Variants in LRRTM4 observed in about 807,000 individuals in gnomAD.
LRRTM4 encodes the protein leucine-rich repeat transmembrane neuronal protein 4.
In LRRTM4, 25 loss-of-function variants were observed where a neutral mutation model predicts 47.6. That is an observed-to-expected ratio of 0.53 (90% confidence interval 0.38 to 0.73). The LOEUF (loss-of-function observed/expected upper bound fraction) is 0.73, where lower values mean the gene tolerates loss of function less well. Ranked by LOEUF, LRRTM4 falls within the 30% of genes least tolerant of loss-of-function variation. The probability of loss-of-function intolerance (pLI) is 0.00; values close to 1 mark genes in which losing one functional copy is unlikely to be tolerated. For synonymous variants in LRRTM4, 311 were observed against 269.5 expected (o/e 1.15, Z -1.51); for missense variants, 638 against 713.4 (o/e 0.89, Z 1.20).
intron 3 of LRRTM4, among the ~76,000 whole-genome samples, chr2:77,264,493 G>A (rs1412886943): frequency 6.6e-6 from 1 of 152,038 alleles, no homozygotes; most frequent in Non-Finnish European, 1.5e-5. Context: ...CTGGGGGTTA[G>A]GGCTTCAACT....
chr2:76,970,752 T>C (rs778141134), intron 3 of LRRTM4, among the ~76,000 whole-genome samples: 42 of 152,034 alleles, frequency 2.8e-4, no homozygotes, highest in Non-Finnish European at 4.3e-4. Context: ...TTTCTACAAA[T>C]GAAAATGCTG....
At chr2:77,408,652 C>A (rs1164554723) in intron 3 of LRRTM4, among the ~76,000 whole-genome samples, 1 of 152,092 alleles carries the variant, frequency 6.6e-6, no homozygotes, top group African/African-American at 2.4e-5. Context: ...GCCTCTGAAT[C>A]CCCCCAGGAA....
chr2:77,264,021 A>T (rs897099031), intron 3 of LRRTM4, among the ~76,000 whole-genome samples: 34 of 151,482 alleles, frequency 2.2e-4, no homozygotes, highest in Admixed American at 7.9e-4. Flanking sequence ...TTTTTTTTTT[A>T]ATAGAATTTT....
chr2:77,503,479 G>C (rs1448342925), intron 3 of LRRTM4, among the ~76,000 whole-genome samples: 1 of 151,662 alleles, frequency 6.6e-6, no homozygotes, highest in Non-Finnish European at 1.5e-5. Context: ...TCAGATATCT[G>C]AATTCAGGTG....
chr2:76,837,629 A>T (rs1231034060), intron 3 of LRRTM4, among the ~76,000 whole-genome samples: 1 of 152,166 alleles, frequency 6.6e-6, no homozygotes, highest in Non-Finnish European at 1.5e-5. Context: ...ATAAAGACAC[A>T]TGCACACGCA....
chr2:77,186,018 C>G, intron 3 of LRRTM4, among the ~76,000 whole-genome samples: 1 of 152,146 alleles, frequency 6.6e-6, no homozygotes, highest in East Asian at 1.9e-4. Context: ...AGACCTGACA[C>G]AGAAAATCAG....
chr2:77,385,581 T>C (rs1673228922), intron 3 of LRRTM4, among the ~76,000 whole-genome samples: 1 of 152,144 alleles, frequency 6.6e-6, no homozygotes, highest in Non-Finnish European at 1.5e-5. Context: ...GTATAATTTC[T>C]GATATCCTTA....
intron 3 of LRRTM4, among the ~76,000 whole-genome samples, chr2:77,095,707 T>C (rs1004727501): frequency 4.9e-4 from 75 of 152,022 alleles, no homozygotes; most frequent in African/African-American, 1.8e-3. Flanking sequence ...ACAGGGTTTT[T>C]CCATTTTGGC....
intron 3 of LRRTM4, among the ~76,000 whole-genome samples, chr2:77,375,850 C>A (rs1672820343): frequency 6.6e-6 from 1 of 151,770 alleles, no homozygotes; most frequent in South Asian, 2.1e-4. Flanking sequence ...GACATTTAAG[C>A]TGTTTCTGCA....
intron 3 of LRRTM4, among the ~76,000 whole-genome samples, chr2:76,860,579 T>C (rs1204705245): frequency 6.6e-6 from 1 of 152,098 alleles, no homozygotes; most frequent in Non-Finnish European, 1.5e-5. Context: ...TGTGCGTGTG[T>C]GTGTATTGCT....
intron 3 of LRRTM4, among the ~76,000 whole-genome samples, chr2:76,917,719 A>G (rs145783143): frequency 1.5e-4 from 23 of 152,298 alleles, no homozygotes; most frequent in African/African-American, 4.3e-4. Flanking sequence ...ATGAGAAGCA[A>G]TATGTCCCAC....
intron 3 of LRRTM4, chr2:76,773,013 G>C (rs1292404114): frequency 2.0e-5 from 3 of 152,116 alleles, no homozygotes; most frequent in Admixed American, 6.6e-5. Flanking sequence ...TACTATCTAT[G>C]GTTTCATTCA....
At chr2:77,186,011 C>T (rs1362156771) in intron 3 of LRRTM4, among the ~76,000 whole-genome samples, 3 of 152,094 alleles carry the variant, frequency 2.0e-5, no homozygotes, top group African/African-American at 4.8e-5. Context: ...TAAATGAAGA[C>T]CTGACACAGA....
intron 3 of LRRTM4, among the ~76,000 whole-genome samples, chr2:76,769,535 C>T (rs1573071024): frequency 6.7e-6 from 1 of 149,548 alleles, no homozygotes; most frequent in South Asian, 2.2e-4. Context: ...GAAAAAAAAA[C>T]AAAAATAATA....
intron 3 of LRRTM4, among the ~76,000 whole-genome samples, chr2:77,151,785 TTTGTTGTTGTTG>T (rs57816885): frequency 1.3e-5 from 2 of 151,588 alleles, no homozygotes; most frequent in East Asian, 1.9e-4. Context: ...AAAGATCTTG[TTTGTTGTTGTTG>T]TTGTTGTTGT....
chr2:76,860,700 A>C (rs2104007332), intron 3 of LRRTM4, among the ~76,000 whole-genome samples: 1 of 152,198 alleles, frequency 6.6e-6, no homozygotes, highest in South Asian at 2.1e-4. Flanking sequence ...CCAGACTGTA[A>C]ATTGATAAAA....
chr2:77,054,139 G>T (rs1043950416), intron 3 of LRRTM4, among the ~76,000 whole-genome samples: 17 of 150,258 alleles, frequency 1.1e-4, no homozygotes, highest in Admixed American at 1.1e-3. Context: ...CAATCTCAAG[G>T]AGTTGTTCTG....
chr2:76,820,559 A>G (rs1346104326), intron 3 of LRRTM4, among the ~76,000 whole-genome samples: 2 of 151,922 alleles, frequency 1.3e-5, no homozygotes, highest in East Asian at 3.9e-4. Flanking sequence ...TAAAAAAATG[A>G]TGGATTCAGT....
intron 3 of LRRTM4, among the ~76,000 whole-genome samples, chr2:76,967,745 C>G (rs1190195504): frequency 6.6e-6 from 1 of 151,544 alleles, no homozygotes; most frequent in Admixed American, 6.6e-5. Flanking sequence ...TTCTTTGCAG[C>G]TCAGATTTCA....
Sources: gnomAD v4.1 joint callset for allele counts (sites outside exome capture counted in the v4.1 genomes callset) on GRCh38, gnomAD v4.1.1 for gene constraint, MANE v1.5 for transcripts, NCBI Gene and HGNC (gene_info 2026-07-23, HGNC 2026-07-21) for gene names.